The following MPZL1 variants were observed in gnomAD, a reference collection of about 807,000 sequenced individuals.
The protein encoded by MPZL1 is myelin protein zero like 1.
A neutral mutation model predicts 29.3 loss-of-function variants in MPZL1; 16 were observed. The observed-to-expected ratio is 0.55, with a 90% CI of 0.37 to 0.83. MPZL1 has a LOEUF of 0.83. Among genes scored for constraint, MPZL1 ranks in the 40% least tolerant of loss-of-function variants. The pLI is 0.00. For synonymous variants in MPZL1, 143 were observed against 132.0 expected (o/e 1.08, Z -0.57); for missense variants, 279 against 332.9 (o/e 0.84, Z 1.26).
At chr1:167,734,352 A>G (rs566947328) in intron 1 of MPZL1, among the ~76,000 whole-genome samples, 21 of 152,266 alleles carry the variant, frequency 1.4e-4, no homozygotes, top group South Asian at 6.2e-4. Context: ...TGGCATTTCA[A>G]GTTCATTTAC....
intron 1 of MPZL1, among the ~76,000 whole-genome samples, chr1:167,723,808 G>T (rs921184914): frequency 6.6e-6 from 1 of 152,218 alleles, no homozygotes; most frequent in Admixed American, 6.5e-5. Context: ...GTTCAACTTA[G>T]AAAATTATTG....
intron 1 of MPZL1, among the ~76,000 whole-genome samples, chr1:167,734,753 G>C (rs560847105): frequency 6.6e-6 from 1 of 152,220 alleles, no homozygotes; most frequent in African/African-American, 2.4e-5. Flanking sequence ...GCTGCCTCAG[G>C]GGAGGCCATT....
chr1:167,748,740 A>G (rs753053044), intron 1 of MPZL1, among the ~76,000 whole-genome samples: 12 of 152,102 alleles, frequency 7.9e-5, no homozygotes, highest in Non-Finnish European at 1.0e-4. Context: ...TAAGGGTTTT[A>G]TAGTTTTAGC....
In MPZL1 at chr1:167,788,503, A is replaced by G. The variant is rs1661636576; in HGVS notation, c.*582A>G. 1 of 152,402 alleles carries G rather than the reference A, an allele frequency of 6.6e-6. No homozygotes were observed. Among genetic ancestry groups the G allele is most frequent in the South Asian group, 2.1e-4 (1 of 4,834 alleles). 9.4% of individuals were successfully genotyped at this position (152,402 alleles called of 1,614,324 possible). A position where few individuals can be genotyped will look rare whatever the true frequency, so the allele number is the denominator to read the frequency against. Reference sequence around the variant, plus strand: ...TTTTTTTGAAGTTTTTCTCACTAAAATATGGGGCAATTGTTAGCCTTACAT... The same window carrying G: ...TTTTTTTGAAGTTTTTCTCACTAAAGTATGGGGCAATTGTTAGCCTTACAT... On this transcript the variant is annotated 3_prime_UTR_variant, in exon 6 of 6. Transcript: ENST00000359523.
intron 1 of MPZL1, among the ~76,000 whole-genome samples, chr1:167,733,306 A>G (rs1353234069): frequency 2.0e-5 from 3 of 152,158 alleles, no homozygotes; most frequent in African/African-American, 7.2e-5. Flanking sequence ...CCATGATCCA[A>G]TTATTCCCAC....
intron 1 of MPZL1, among the ~76,000 whole-genome samples, chr1:167,747,891 T>C (rs1212750617): frequency 3.3e-5 from 5 of 152,204 alleles, no homozygotes; most frequent in South Asian, 2.1e-4. Context: ...TAAAGAAACC[T>C]TATATCCATT....
intron 5 of MPZL1, among the ~76,000 whole-genome samples, chr1:167,781,877 T>C (rs1032012032): frequency 1.3e-5 from 2 of 152,174 alleles, no homozygotes; most frequent in Non-Finnish European, 2.9e-5. Flanking sequence ...GCTTGTAATT[T>C]CATTGGACCT....
chr1:167,768,522 T>C (rs1371796280), intron 2 of MPZL1, among the ~76,000 whole-genome samples: 1 of 152,236 alleles, frequency 6.6e-6, no homozygotes, highest in Non-Finnish European at 1.5e-5. Flanking sequence ...CTTGCCTGTC[T>C]TACATCTTTA....
At chr1:167,727,397 C>G (rs1370427329) in intron 1 of MPZL1, among the ~76,000 whole-genome samples, 1 of 152,206 alleles carries the variant, frequency 6.6e-6, no homozygotes, top group Non-Finnish European at 1.5e-5. Context: ...AGACATACAT[C>G]TCATGTGTAC....
At position 167,722,698 on chromosome 1, in the gene MPZL1, C is replaced by T. The variant is rs1660061194; in HGVS notation, c.91+456C>T. Among the ~76,000 whole-genome samples, 3 of 152,162 alleles carry T rather than the reference C, an allele frequency of 2.0e-5. No individual in the cohort carries two copies. In the South Asian group the frequency reaches 6.2e-4, roughly 31 times the overall value. On this transcript the variant is annotated intron_variant, in intron 1 of 5. Coordinates refer to ENST00000359523, the MANE Select transcript of MPZL1 (RefSeq NM_003953.6). ...GTTGCAGGTTTTTCATTTGTAGGGC[C>T]TTTGTTGATTTGTTTCCTGTTAAGC...
chr1:167,772,033 G>A (rs1661262082), intron 2 of MPZL1, among the ~76,000 whole-genome samples: 1 of 151,810 alleles, frequency 6.6e-6, no homozygotes, highest in South Asian at 2.1e-4. Context: ...CGAGGCAGGA[G>A]AATCACAGGA....
intron 1 of MPZL1, among the ~76,000 whole-genome samples, chr1:167,762,037 G>A (rs577933082): frequency 8.5e-5 from 13 of 152,312 alleles, no homozygotes; most frequent in African/African-American, 3.1e-4. Context: ...AGGGAGTAGA[G>A]AAGCCTGAAA....
chr1:167,742,157 G>A (rs1391282153), intron 1 of MPZL1, among the ~76,000 whole-genome samples: 2 of 151,272 alleles, frequency 1.3e-5, no homozygotes, highest in Non-Finnish European at 2.9e-5. Context: ...GCCAGGCGTG[G>A]TGGCCCTCAC....
intron 5 of MPZL1, 152 bp from the exon 6 acceptor site, chr1:167,787,668 A>G (rs909744680): frequency 1.0e-5 from 6 of 585,590 alleles, no homozygotes; most frequent in Middle Eastern, 5.3e-4. Context: ...TCCTGGATGT[A>G]TCATCCATAA....
intron 1 of MPZL1, among the ~76,000 whole-genome samples, chr1:167,740,533 C>T (rs1558111187): frequency 6.6e-6 from 1 of 152,154 alleles, no homozygotes; most frequent in Non-Finnish European, 1.5e-5. Context: ...TGCTCCCTTT[C>T]CGCCACCTTT....
intron 1 of MPZL1, among the ~76,000 whole-genome samples, chr1:167,745,806 T>C (rs1046904730): frequency 3.9e-5 from 6 of 151,990 alleles, no homozygotes; most frequent in Non-Finnish European, 7.4e-5. Context: ...GGAAAACAAT[T>C]ATTGAGATGT....
chr1:167,757,652 T>C (rs1344738069), intron 1 of MPZL1, among the ~76,000 whole-genome samples: 1 of 152,214 alleles, frequency 6.6e-6, no homozygotes, highest in East Asian at 1.9e-4. Flanking sequence ...ATATTTATGC[T>C]TATTAGGAGA....
intron 1 of MPZL1, among the ~76,000 whole-genome samples, chr1:167,746,087 A>G (rs892977813): frequency 1.3e-5 from 2 of 152,100 alleles, no homozygotes; most frequent in African/African-American, 4.8e-5. Flanking sequence ...TTTATACTTC[A>G]GAAAAAATAC....
At chr1:167,741,517 A>G (rs1660525068) in intron 1 of MPZL1, among the ~76,000 whole-genome samples, 1 of 149,094 alleles carries the variant, frequency 6.7e-6, no homozygotes. Context: ...GTAGAGCTGG[A>G]TTTCACCATG....
Sources: allele counts gnomAD v4.1 joint callset (sites outside exome capture counted in the v4.1 genomes callset), GRCh38; gene constraint gnomAD v4.1.1; transcripts MANE v1.5; gene names NCBI Gene and HGNC (gene_info 2026-07-23, HGNC 2026-07-21).